INTS6: variants seen among roughly 807,000 people sequenced by gnomAD.
INTS6 encodes integrator complex subunit 6.
In INTS6, 16 loss-of-function variants were observed where a neutral mutation model predicts 104.9. The observed-to-expected ratio is 0.15, with a 90% CI of 0.10 to 0.23. The LOEUF (loss-of-function observed/expected upper bound fraction) is 0.23, where lower values mean the gene tolerates loss of function less well. Among genes scored for constraint, INTS6 ranks in the 10% least tolerant of loss-of-function variants. The pLI is 1.00. For missense variants in INTS6, 584 were observed against 1,062.8 expected, an observed-to-expected ratio of 0.55 and a Z score of 6.26; for synonymous variants, 324 against 358.7, an observed-to-expected ratio of 0.90 and a Z score of 1.09.
At chr13:51,446,754 T>C (rs1189502455) in intron 3 of INTS6, 2 of 152,126 alleles carry the variant, frequency 1.3e-5, no homozygotes, top group Non-Finnish European at 2.9e-5. Flanking sequence ...CATGCTAAAA[T>C]ATAAATGAAT....
chr13:51,440,224 C>T (rs1186260262), intron 3 of INTS6: 1 of 149,774 alleles, frequency 6.7e-6, no homozygotes, highest in Non-Finnish European at 1.5e-5. Context: ...GCACTCCAGC[C>T]TGGGTGACAT....
downstream of INTS6, among the ~76,000 whole-genome samples, chr13:51,351,312 T>C (rs532780440): frequency 3.0e-4 from 45 of 152,314 alleles, no homozygotes; most frequent in South Asian, 8.3e-4. Context: ...TCAACACTTG[T>C]TAATGACCAT....
chr13:51,395,424 A>G lies in INTS6; in HGVS notation c.489T>C (p.Arg163=), dbSNP rs373235662. The change falls in exon 5 of 18, where the codon CGT becomes CGC. Residue 163 remains arginine, a synonymous_variant. Coordinates refer to ENST00000311234, the MANE Select transcript of INTS6 (RefSeq NM_012141.3). ...PGSELTKEPF[R]WDQRLFALVL... ...CTAATGCAAAGAGTCTCTGATCCCA[A>G]CGAAAAGGTTCCTTGGTCAATTCAC... The G allele has an allele frequency of 9.3e-6, 15 of 1,613,840 alleles. No individual in the cohort carries two copies. The highest frequency in any genetic ancestry group is 8.3e-5 in the Admixed American group (5 of 59,984).
At position 51,452,662 on chromosome 13, in the gene INTS6, T is replaced by C. The variant is rs1953089899; in HGVS notation, c.-137A>G. 2.0e-5 allele frequency: 29 copies of C among 1,432,932 alleles called. No homozygotes were observed. Among genetic ancestry groups the C allele is most frequent in the Non-Finnish European group, 2.6e-5 (28 of 1,092,044 alleles). The allele number at this position is 1,432,932 out of a possible 1,614,324, so 88.8% of individuals were successfully genotyped here. A position where few individuals can be genotyped will look rare whatever the true frequency, so the allele number is the denominator to read the frequency against. The stretch of plus-strand genomic sequence containing the variant: ...CGGGAGGAAAACACTGTCTGGGTCT[T>C]TCCTCCGGCTGCGGGGAGTTTCTCC... On this transcript the variant is annotated 5_prime_UTR_variant, in exon 1 of 18. Transcript: ENST00000311234. This position sits in a 1 kb window ranked among gnomAD's most constrained non-coding sequence, Gnocchi z 4.2.
chr13:51,446,973 CT>C (rs1373620950), intron 3 of INTS6: 4 of 152,060 alleles, frequency 2.6e-5, no homozygotes, highest in African/African-American at 9.7e-5. Context: ...TATGAATATA[CT>C]TAACACTACT....
chr13:51,383,715 C>T lies in INTS6; in HGVS notation c.921G>A (p.Val307=), dbSNP rs1277777275. 6.2e-7 allele frequency: 1 copy of T among 1,613,380 alleles called. No homozygotes were observed. The highest frequency in any genetic ancestry group is 1.1e-5 in the South Asian group (1 of 90,982). The change falls in exon 8 of 18, where the codon GTG becomes GTA. Residue 307 remains valine (V), a synonymous_variant. Transcript: ENST00000311234. ...TLPPRTSHPV[V]KFSCTDCEPM... ...GTTCACAGTCTGTACAGGAAAACTT[C>T]ACTACAGGATGAGATGTACGAGGTG...
At chr13:51,395,267 AAGTTACCAAAT>A in intron 5 of INTS6, 22 bp downstream of exon 5, 1 of 1,566,828 alleles carries the variant, frequency 6.4e-7, no homozygotes, top group Non-Finnish European at 8.6e-7. Context: ...AATCTGCTTT[AAGTTACCAAAT>A]TACTGCCAGC....
Position 51,368,909 on chromosome 13 carries a change from G to C in INTS6, c.2476+30C>G, listed in dbSNP as rs1680362928. The C allele has an allele frequency of 2.0e-6, 3 of 1,527,082 alleles. No individual in the cohort carries two copies. In the African/African-American group the frequency reaches 4.2e-5, roughly 21 times the overall value. The allele number at this position is 1,527,082 out of a possible 1,614,324, so 94.6% of individuals were successfully genotyped here. ...GCTTTTTGAGCACATACAGAAATCA[G>C]ATCTGAGGTTCGTCTCTTATTATAC... On this transcript the variant is annotated intron_variant, in intron 16 of 17. Coordinates refer to ENST00000311234, the MANE Select transcript of INTS6 (RefSeq NM_012141.3).
At chr13:51,347,026 T>C in the INTS6 span, 1,431 of 1,574,518 alleles carry the variant, frequency 9.1e-4, no homozygotes, top group Non-Finnish European at 1.1e-3. Context: ...TGCTTGCAGG[T>C]GGGGGCCCCA....
In INTS6 at chr13:51,363,411, T is replaced by G. The variant is rs900852001; in HGVS notation, c.*2341A>C. 6 of 151,852 alleles carry G rather than the reference T, an allele frequency of 4.0e-5. No homozygotes were observed. Among genetic ancestry groups the G allele is most frequent in the Non-Finnish European group, 2.9e-5 (2 of 67,866 alleles). The allele number at this position is 151,852 out of a possible 1,614,324, so 9.4% of individuals were successfully genotyped here. A position where few individuals can be genotyped will look rare whatever the true frequency, so the allele number is the denominator to read the frequency against. On this transcript the variant is annotated 3_prime_UTR_variant, in exon 18 of 18. Transcript: ENST00000311234. Reference sequence around the variant, plus strand: ...TTCTGGTGATGGTTATGGAAGAGTTTAGAAATGAGTCTCAGCCTTCATTAT... The same window carrying G: ...TTCTGGTGATGGTTATGGAAGAGTTGAGAAATGAGTCTCAGCCTTCATTAT...
At chr13:51,368,856 C>T (rs1371864444) in intron 16 of INTS6, 83 bp downstream of exon 16, 2 of 1,364,194 alleles carry the variant, frequency 1.5e-6, no homozygotes, top group Middle Eastern at 2.0e-4. Flanking sequence ...TCTTTTACTA[C>T]AGTTACTTGA....
chr13:51,382,631 G>C (rs1183797573), intron 9 of INTS6, among the ~76,000 whole-genome samples: 1 of 152,110 alleles, frequency 6.6e-6, no homozygotes, highest in East Asian at 1.9e-4. Context: ...TTAAAGTGTA[G>C]ATAAATTCTT....
intron 4 of INTS6, among the ~76,000 whole-genome samples, chr13:51,412,756 C>T (rs770902452): frequency 6.6e-6 from 1 of 152,166 alleles, no homozygotes; most frequent in Non-Finnish European, 1.5e-5. Flanking sequence ...ACCAGTATAT[C>T]CACATTGTGG....
chr13:51,356,394 G>T (rs1267839155), intron 3 of INTS6, among the ~76,000 whole-genome samples: 2 of 152,150 alleles, frequency 1.3e-5, no homozygotes, highest in Non-Finnish European at 2.9e-5. Flanking sequence ...GAACTTAAGA[G>T]AATTCTATGT....
Position 51,419,278 on chromosome 13 carries a change from TA to T in INTS6, c.429+11015del, listed in dbSNP as rs539086457. On this transcript the variant is annotated intron_variant, in intron 4 of 17. Coordinates refer to ENST00000311234, the MANE Select transcript of INTS6 (RefSeq NM_012141.3). Reference sequence around the variant, plus strand: ...CAAATCTAATAACTTTCTCCTCTACTAAAATCTCTTCAATCCATAAGGTTCC... The same window carrying T: ...CAAATCTAATAACTTTCTCCTCTACTAAATCTCTTCAATCCATAAGGTTCC... Among the ~76,000 whole-genome samples, 15 of 152,310 alleles carry T rather than the reference TA, an allele frequency of 9.8e-5. No homozygotes were observed. In the South Asian group the frequency reaches 2.9e-3, roughly 29 times the overall value.
intron 4 of INTS6, among the ~76,000 whole-genome samples, chr13:51,414,630 C>CT (rs1956750109): frequency 6.6e-6 from 1 of 151,988 alleles, no homozygotes; most frequent in Admixed American, 6.6e-5. Context: ...TTAATAAAAG[C>CT]TTTTTTTAAA....
chr13:51,388,790 A>G (rs1426687102), intron 6 of INTS6, among the ~76,000 whole-genome samples: 1 of 152,192 alleles, frequency 6.6e-6, no homozygotes, highest in Non-Finnish European at 1.5e-5. Context: ...TCCACTGGCT[A>G]TTGGAAATAG....
At chr13:51,410,247 T>G (rs992744126) in intron 4 of INTS6, among the ~76,000 whole-genome samples, 3 of 152,170 alleles carry the variant, frequency 2.0e-5, no homozygotes, top group African/African-American at 7.2e-5. Context: ...AATTTACATG[T>G]AAACTCAAAG....
At chr13:51,381,676 G>A (rs2137913699) in intron 10 of INTS6, among the ~76,000 whole-genome samples, 1 of 150,550 alleles carries the variant, frequency 6.6e-6, no homozygotes, top group East Asian at 2.0e-4. Context: ...TAAACCATAA[G>A]CATAATATAA....
Sources: allele counts gnomAD v4.1 joint callset (sites outside exome capture counted in the v4.1 genomes callset), GRCh38; gene constraint gnomAD v4.1.1; non-coding constraint Gnocchi (gnomAD v3.1); transcripts MANE v1.5; gene names NCBI Gene and HGNC (gene_info 2026-07-23, HGNC 2026-07-21).